The following HEATR4 variants were observed in gnomAD, a reference collection of about 807,000 sequenced individuals.
HEATR4 encodes HEAT repeat-containing protein 4.
In HEATR4, 95 loss-of-function variants were observed where a neutral mutation model predicts 108.8. The ratio of observed to expected loss-of-function variants is 0.87; its 90% CI spans 0.74 to 1.04. The LOEUF is 1.04. HEATR4 is among the 50% of genes least tolerant of loss of function. HEATR4 has a pLI of 0.00. For synonymous variants in HEATR4, 443 were observed against 459.4 expected (o/e 0.96, Z 0.46); for missense variants, 1,152 against 1,253.8 (o/e 0.92, Z 1.23).
chr14:73,615,424 C>A, the HEATR4 span, among the ~76,000 whole-genome samples: 68 of 120,024 alleles, frequency 5.7e-4, no homozygotes, highest in African/African-American at 1.3e-3. Context: ...ACAAAAAAAA[C>A]CAGCAACAAC....
the HEATR4 span, chr14:73,619,423 A>G: frequency 2.9e-3 from 4,621 of 1,614,180 alleles, 140 homozygotes; most frequent in African/African-American, 0.054. Context: ...AAAAGTAAAA[A>G]TCACTAAGTC....
chr14:73,622,248 G>C, the HEATR4 span, among the ~76,000 whole-genome samples: 2 of 152,074 alleles, frequency 1.3e-5, no homozygotes, highest in East Asian at 3.9e-4. Context: ...GCAGGAGAAT[G>C]ATGACTCCAC....
chr14:73,491,148 G>T (rs1420552818), intron 17 of HEATR4: 1 of 1,607,876 alleles, frequency 6.2e-7, no homozygotes, highest in Non-Finnish European at 8.5e-7. Flanking sequence ...AAGCAGCTGC[G>T]AAGTGTTGTA....
At chr14:73,563,945 G>T (rs772523025), upstream of HEATR4, among the ~76,000 whole-genome samples, 1 of 151,836 alleles carries the variant, frequency 6.6e-6, no homozygotes, top group East Asian at 1.9e-4. Context: ...AGGCTGCAAT[G>T]AACTATCATG....
At chr14:73,584,453 C>CA in the HEATR4 span, among the ~76,000 whole-genome samples, 2 of 151,532 alleles carry the variant, frequency 1.3e-5, no homozygotes, top group African/African-American at 4.8e-5. Flanking sequence ...CCACTGGTAA[C>CA]AACCCCAGCC....
the HEATR4 span, chr14:73,573,559 A>C: frequency 1.2e-6 from 2 of 1,613,642 alleles, no homozygotes; most frequent in Non-Finnish European, 8.5e-7. Flanking sequence ...TACTTTGAAG[A>C]AGCCATGAAC....
chr14:73,496,218 TAAG>T (rs1406349066), intron 15 of HEATR4, among the ~76,000 whole-genome samples: 1 of 152,064 alleles, frequency 6.6e-6, no homozygotes, highest in African/African-American at 2.4e-5. Flanking sequence ...TCAGAAAAAT[TAAG>T]AAGAAAATCT....
chr14:73,478,792 G>A lies in HEATR4; in HGVS notation c.2895C>T (p.Gly965=). 2 of 1,613,076 alleles carry A rather than the reference G, an allele frequency of 1.2e-6. No individual in the cohort carries two copies. The highest frequency in any genetic ancestry group is 1.7e-6 in the Non-Finnish European group (2 of 1,179,624). The change falls in exon 18 of 18, where the codon GGC becomes GGT. Residue 965 remains glycine, a synonymous_variant. Transcript: ENST00000553558. ...AACGAACTTTGCTTCGTGTGGTTAG[G>A]CCTGGGACTGAACTTTGTAACCAGG... ...PNPWLQSSVP[G]LTTRSKVRSS...
chr14:73,569,839 C>A, the HEATR4 span: 2 of 1,604,490 alleles, frequency 1.2e-6, no homozygotes, highest in Non-Finnish European at 1.7e-6. Context: ...CGGCGCGAGC[C>A]GGTGCGCGTG....
the HEATR4 span, chr14:73,568,050 C>T: frequency 6.6e-6 from 1 of 152,238 alleles, no homozygotes; most frequent in African/African-American, 2.4e-5. Flanking sequence ...CAGAAGGAAC[C>T]AATTCCAGAC....
the HEATR4 span, chr14:73,612,829 C>G: frequency 7.0e-7 from 1 of 1,424,914 alleles, no homozygotes. Context: ...CGTTGGAGCC[C>G]GAGAAAGCCT....
At chr14:73,619,424 T>C in the HEATR4 span, 9 of 1,614,124 alleles carry the variant, frequency 5.6e-6, no homozygotes, top group Non-Finnish European at 7.6e-6. Context: ...AAAGTAAAAA[T>C]CACTAAGTCA....
Position 73,522,804 on chromosome 14 carries a change from C to A in HEATR4, c.349G>T (p.Val117Phe). Reference protein sequence around the residue: ...QIRKARPQKPVSFKFLGSSSP... With the variant: ...QIRKARPQKPFSFKFLGSSSP... ...GAGGAACCCAGGAACTTGAAGCTAACAGGTTTCTGAGGCCGGGCCTTCCTG... is the reference window on the plus strand; with the variant it reads ...GAGGAACCCAGGAACTTGAAGCTAAAAGGTTTCTGAGGCCGGGCCTTCCTG... Residue 117 changes from valine (V) to phenylalanine (F), a missense_variant, in exon 3 of 18, where the codon GTT becomes TTT. Val to Phe is a conservative substitution (Grantham distance 50). Transcript: ENST00000553558. 1 of 1,614,208 alleles carries A rather than the reference C, an allele frequency of 6.2e-7. No individual in the cohort carries two copies. The highest frequency in any genetic ancestry group is 1.1e-5 in the South Asian group (1 of 91,086).
Position 73,495,119 on chromosome 14 carries a change from C to T in HEATR4, c.2785+109G>A, listed in dbSNP as rs990825794. The T allele has an allele frequency of 2.4e-5, 22 of 913,094 alleles. No homozygotes were observed. The South Asian group carries it at 2.5e-4, about 10-fold the overall frequency. The allele number at this position is 913,094 out of a possible 1,614,324, so 56.6% of individuals were successfully genotyped here. A position where few individuals can be genotyped will look rare whatever the true frequency, so the allele number is the denominator to read the frequency against. Reference sequence around the variant, plus strand: ...GCCAAGAGGGAAGAGAGTACCCTTTCCTGACTCTTTCATCCTCTAAGGCTT... The same window carrying T: ...GCCAAGAGGGAAGAGAGTACCCTTTTCTGACTCTTTCATCCTCTAAGGCTT... On this transcript the variant is annotated intron_variant, in intron 16 of 17. Transcript: ENST00000553558.
At chr14:73,528,122 C>T (rs1049663213) in intron 2 of HEATR4, among the ~76,000 whole-genome samples, 3 of 150,506 alleles carry the variant, frequency 2.0e-5, no homozygotes, top group Non-Finnish European at 3.0e-5. Flanking sequence ...AGGCTATGCG[C>T]GGTGGCTCAT....
intron 12 of HEATR4, among the ~76,000 whole-genome samples, chr14:73,499,388 G>A (rs1351507399): frequency 6.6e-6 from 1 of 152,176 alleles, no homozygotes; most frequent in Non-Finnish European, 1.5e-5. Context: ...GCTGAGGTAG[G>A]AGAATTGCTT....
intron 8 of HEATR4, 147 bp from the exon 9 acceptor site, chr14:73,508,441 T>A: frequency 1.4e-6 from 1 of 689,858 alleles, no homozygotes; most frequent in Non-Finnish European, 2.4e-6. Context: ...ATTTCTTATT[T>A]AAACCATATT....
the HEATR4 span, among the ~76,000 whole-genome samples, chr14:73,632,172 G>T: frequency 1.3e-5 from 2 of 151,164 alleles, no homozygotes; most frequent in African/African-American, 2.4e-5. Context: ...TGGGGGTCTC[G>T]TTATGTTGCC....
chr14:73,535,462 CTTCTTTCTTTTTTTTTTTTTTTTTTT>C lies in HEATR4; in HGVS notation c.-151-5244_-151-5219del, dbSNP rs1348001175. On this transcript the variant is annotated intron_variant, in intron 1 of 17. Coordinates refer to ENST00000553558, the MANE Select transcript of HEATR4 (RefSeq NM_001220484.1). ...CCCTCTCCCTTTTTCTTTTCTTTTT[CTTCTTTCTTTTTTTTTTTTTTTTTTT>C]TTTTTTTTTTTTTTTTTTTGCCCAG... 2.0e-3 allele frequency among the ~76,000 whole-genome samples: 121 copies of C among 59,328 alleles called. 28 individuals carry two copies. The highest frequency in any genetic ancestry group is 4.5e-3 in the African/African-American group (105 of 23,332). The allele number at this position is 59,328 out of a possible 152,430, so 38.9% of individuals were successfully genotyped here. A position where few individuals can be genotyped will look rare whatever the true frequency, so the allele number is the denominator to read the frequency against.
Sources: gnomAD v4.1 joint callset for allele counts (sites outside exome capture counted in the v4.1 genomes callset) on GRCh38, gnomAD v4.1.1 for gene constraint, MANE v1.5 for transcripts, NCBI Gene and HGNC (gene_info 2026-07-23, HGNC 2026-07-21) for gene names.